ASB18: variants seen among roughly 807,000 people sequenced by gnomAD.
The protein encoded by ASB18 is ankyrin repeat and SOCS box protein 18.
ASB18 carries 33 observed loss-of-function variants against 33.4 expected under a neutral mutation model. The ratio of observed to expected loss-of-function variants is 0.99; its 90% CI spans 0.75 to 1.32. The LOEUF (loss-of-function observed/expected upper bound fraction) is 1.32, where lower values mean the gene tolerates loss of function less well. Ranked by LOEUF, ASB18 falls within the 40% of genes most tolerant of loss-of-function variation. The pLI is 0.00. For missense variants in ASB18, 694 were observed against 655.5 expected (o/e 1.06, Z -0.64); for synonymous variants, 295 against 307.6 (o/e 0.96, Z 0.43).
Position 236,216,430 on chromosome 2 carries a change from C to G in ASB18, c.597-1564G>C, listed in dbSNP as rs1214689385. 6.6e-6 allele frequency among the ~76,000 whole-genome samples: 1 copy of G among 152,088 alleles called. No homozygotes were observed. The stretch of plus-strand genomic sequence containing the variant: ...TGTTTTGACAACAGCTGTTGCCTCC[C>G]TCTTCCCCAGGCCTAAGGAAGGCAC... On this transcript the variant is annotated intron_variant, in intron 3 of 5. Transcript: ENST00000409749. The surrounding 1 kb of genome is among the most constrained non-coding windows in gnomAD (Gnocchi z 6.1).
chr2:236,224,382 G>A (rs1365760830), intron 3 of ASB18, among the ~76,000 whole-genome samples: 1 of 151,918 alleles, frequency 6.6e-6, no homozygotes, highest in Admixed American at 6.6e-5. Context: ...TTTTGATTTG[G>A]CCTGGACTGG....
rs2060664302 is a variant in ASB18, at chr2:236,250,608, G to A, written c.206-9206C>T. The A allele has an allele frequency of 6.6e-6, 1 of 152,156 alleles. No individual in the cohort carries two copies. Among genetic ancestry groups the A allele is most frequent in the Non-Finnish European group, 1.5e-5 (1 of 68,032 alleles). The allele number at this position is 152,156 out of a possible 1,614,324, so 9.4% of individuals were successfully genotyped here. A position where few individuals can be genotyped will look rare whatever the true frequency, so the allele number is the denominator to read the frequency against. ...ATGTACTAAGTCTGACTGGACTCTA[G>A]GATAATAACATCACTACCAACTGGT... On this transcript the variant is annotated intron_variant, in intron 1 of 5. Transcript: ENST00000409749. The surrounding 1 kb of genome is among the most constrained non-coding windows in gnomAD (Gnocchi z 4.1).
chr2:236,235,655 G>A lies in ASB18; in HGVS notation c.596+2034C>T, dbSNP rs2060585491. ...CAACTGGAACATGCAGACATCGCTG[G>A]TGCGGATGTAAAATGGTACAACTTT... is the stretch of plus-strand genomic sequence containing the variant. On this transcript the variant is annotated intron_variant, in intron 3 of 5. Coordinates refer to ENST00000409749, the MANE Select transcript of ASB18 (RefSeq NM_212556.4). This position sits in a 1 kb window ranked among gnomAD's most constrained non-coding sequence, Gnocchi z 6.2. Among the ~76,000 whole-genome samples, 2 of 152,220 alleles carry A rather than the reference G, an allele frequency of 1.3e-5. No individual in the cohort carries two copies. Among genetic ancestry groups the A allele is most frequent in the African/African-American group, 2.4e-5 (1 of 41,462 alleles).
At position 236,256,497 on chromosome 2, in the gene ASB18, C is replaced by G. The variant is rs945723402; in HGVS notation, c.205+7644G>C. ...GCCTGCCATTTCCAATTAGTTCCTT[C>G]GGAATGTTTACTTCTCAAGCAGAGC... is the stretch of plus-strand genomic sequence containing the variant. On this transcript the variant is annotated intron_variant, in intron 1 of 5. Transcript: ENST00000409749. The surrounding 1 kb of genome is among the most constrained non-coding windows in gnomAD (Gnocchi z 4.7). Among the ~76,000 whole-genome samples the G allele has an allele frequency of 6.6e-6, 1 of 152,152 alleles. No homozygotes were observed. The highest frequency in any genetic ancestry group is 1.5e-5 in the Non-Finnish European group (1 of 68,032).
Position 236,223,611 on chromosome 2 carries a change from A to T in ASB18, c.597-8745T>A, listed in dbSNP as rs1327287617. 2.0e-5 allele frequency among the ~76,000 whole-genome samples: 3 copies of T among 152,232 alleles called. No homozygotes were observed. The highest frequency in any genetic ancestry group is 4.4e-5 in the Non-Finnish European group (3 of 68,040). On this transcript the variant is annotated intron_variant, in intron 3 of 5. Coordinates refer to ENST00000409749, the MANE Select transcript of ASB18 (RefSeq NM_212556.4). This position sits in a 1 kb window ranked among gnomAD's most constrained non-coding sequence, Gnocchi z 4.6. ...AGAGCACAATTGAATGAATTTCAAC[A>T]AAGGAATATACCTATGTAACCAATA...
Position 236,257,461 on chromosome 2 carries a change from A to AT in ASB18, c.205+6679dup, listed in dbSNP as rs2060697671. ...CTAGCACCCCACTTACTTGCCCATG[A>AT]TTTTTTGGGATTATTTTTGCTCAAT... On this transcript the variant is annotated intron_variant, in intron 1 of 5. Transcript: ENST00000409749. The surrounding 1 kb of genome is among the most constrained non-coding windows in gnomAD (Gnocchi z 5.5). 6.6e-6 allele frequency among the ~76,000 whole-genome samples: 1 copy of AT among 151,990 alleles called. No homozygotes were observed. The highest frequency in any genetic ancestry group is 6.5e-5 in the Admixed American group (1 of 15,268).
Position 236,241,303 on chromosome 2 carries a change from G to T in ASB18, c.305C>A (p.Ser102Tyr). 6.2e-7 allele frequency: 1 copy of T among 1,613,776 alleles called. No homozygotes were observed. The highest frequency in any genetic ancestry group is 8.5e-7 in the Non-Finnish European group (1 of 1,179,746). ...ACCTGATAGTCCAAACGTGGCTGGA[G>T]ATTTCACCTGCCATTCCATCTCATC... ...NKDEMEWQVK[S>Y]PATFGLSGLW... Residue 102 changes from serine to tyrosine, a missense_variant, in exon 2 of 6, where the codon TCT becomes TAT. Physicochemically the swap from Ser to Tyr is moderately radical, Grantham distance 144. Coordinates refer to ENST00000409749, the MANE Select transcript of ASB18 (RefSeq NM_212556.4). This position sits in a 1 kb window ranked among gnomAD's most constrained non-coding sequence, Gnocchi z 4.2.
Position 236,231,795 on chromosome 2 carries a change from T to C in ASB18, c.596+5894A>G, listed in dbSNP as rs1170151729. ...TTCATAATGATAAAAAGGTCAGTTCTTCAAAAGGACAGAATAATGCTAAGC... is the reference window on the plus strand; with the variant it reads ...TTCATAATGATAAAAAGGTCAGTTCCTCAAAAGGACAGAATAATGCTAAGC... On this transcript the variant is annotated intron_variant, in intron 3 of 5. Coordinates refer to ENST00000409749, the MANE Select transcript of ASB18 (RefSeq NM_212556.4). This position sits in a 1 kb window ranked among gnomAD's most constrained non-coding sequence, Gnocchi z 5.5. Among the ~76,000 whole-genome samples, 3 of 152,188 alleles carry C rather than the reference T, an allele frequency of 2.0e-5. No individual in the cohort carries two copies. The highest frequency in any genetic ancestry group is 4.4e-5 in the Non-Finnish European group (3 of 68,044).
chr2:236,207,662 T>C (rs1195667043), intron 4 of ASB18, among the ~76,000 whole-genome samples: 1 of 152,164 alleles, frequency 6.6e-6, no homozygotes, highest in East Asian at 1.9e-4. Context: ...CGTTCCCGGT[T>C]GGACGGTTTG....
In ASB18 at chr2:236,253,624, G is replaced by A. The variant is rs1181883391; in HGVS notation, c.205+10517C>T. Among the ~76,000 whole-genome samples the A allele has an allele frequency of 2.0e-5, 3 of 151,994 alleles. No homozygotes were observed. Among genetic ancestry groups the A allele is most frequent in the Non-Finnish European group, 4.4e-5 (3 of 68,020 alleles). ...GCTGGTCTCTAACTCCTGGCCTCAA[G>A]TGATCTTCCCACCTCAGCCTCCCAA... is the stretch of plus-strand genomic sequence containing the variant. On this transcript the variant is annotated intron_variant, in intron 1 of 5. Coordinates refer to ENST00000409749, the MANE Select transcript of ASB18 (RefSeq NM_212556.4). This position sits in a 1 kb window ranked among gnomAD's most constrained non-coding sequence, Gnocchi z 5.4.
At chr2:236,236,188 G>A (rs1287517478) in intron 3 of ASB18, among the ~76,000 whole-genome samples, 8 of 152,120 alleles carry the variant, frequency 5.3e-5, no homozygotes, top group Admixed American at 4.6e-4. Flanking sequence ...TCCATACCAC[G>A]GACCGCTACC....
In ASB18 at chr2:236,260,659, C is replaced by G. The variant is rs915281241; in HGVS notation, c.205+3482G>C. The stretch of plus-strand genomic sequence containing the variant: ...AGCATGGAGAAGGAGGGAACCTAAA[C>G]GATGAACCAAGCCAGCAGTGGTTCC... On this transcript the variant is annotated intron_variant, in intron 1 of 5. Coordinates refer to ENST00000409749, the MANE Select transcript of ASB18 (RefSeq NM_212556.4). The surrounding 1 kb of genome is among the most constrained non-coding windows in gnomAD (Gnocchi z 5.1). Among the ~76,000 whole-genome samples the G allele has an allele frequency of 6.6e-6, 1 of 152,182 alleles. No individual in the cohort carries two copies. Among genetic ancestry groups the G allele is most frequent in the East Asian group, 1.9e-4 (1 of 5,198 alleles).
chr2:236,206,923 G>C (rs1023163066), intron 4 of ASB18, among the ~76,000 whole-genome samples: 89 of 152,356 alleles, frequency 5.8e-4, no homozygotes, highest in Non-Finnish European at 7.6e-4. Flanking sequence ...GCTACCCACT[G>C]GGGACTGGGG....
rs1391019727 is a variant in ASB18 at position 236,255,080 on chromosome 2, G to T, written c.205+9061C>A. On this transcript the variant is annotated intron_variant, in intron 1 of 5. Coordinates refer to ENST00000409749, the MANE Select transcript of ASB18 (RefSeq NM_212556.4). This position sits in a 1 kb window ranked among gnomAD's most constrained non-coding sequence, Gnocchi z 4.4. ...TGAAGTCTCCCCAGAAGCCGAAGCC[G>T]CTACGCTTCCTGTACAGCCTGCAGA... Among the ~76,000 whole-genome samples the T allele has an allele frequency of 6.6e-6, 1 of 152,186 alleles. No homozygotes were observed. Among genetic ancestry groups the T allele is most frequent in the Non-Finnish European group, 1.5e-5 (1 of 68,040 alleles).
At chr2:236,218,811 AAAAAAG>A (rs2060499275) in intron 3 of ASB18, among the ~76,000 whole-genome samples, 1 of 151,328 alleles carries the variant, frequency 6.6e-6, no homozygotes. Flanking sequence ...AAAAAAAAAA[AAAAAAG>A]AAAAAGAAAC....
At chr2:236,212,415 C>G (rs376936480) in intron 4 of ASB18, among the ~76,000 whole-genome samples, 1 of 152,098 alleles carries the variant, frequency 6.6e-6, no homozygotes, top group Non-Finnish European at 1.5e-5. Context: ...GGGGCTGCCC[C>G]TAGGATTTGA....
Position 236,214,387 on chromosome 2 carries a change from G to C in ASB18, c.1076C>G (p.Thr359Ser). The C allele has an allele frequency of 6.3e-7, 1 of 1,577,380 alleles. No homozygotes were observed. The highest frequency in any genetic ancestry group is 8.6e-7 in the Non-Finnish European group (1 of 1,166,608). ...VQALLNHGSP[T>S]VWPDAFPKVL... ...CTTGGGGAAGGCGTCGGGCCACACG[G>C]TGGGAGAGCCGTGGTTGAGCAGCGC... The change falls in exon 4 of 6, where the codon ACC becomes AGC. Residue 359 changes from threonine to serine, a missense_variant. Thr to Ser is a moderately conservative substitution (Grantham distance 58). Coordinates refer to ENST00000409749, the MANE Select transcript of ASB18 (RefSeq NM_212556.4). The surrounding 1 kb of genome is among the most constrained non-coding windows in gnomAD (Gnocchi z 6.5).
Position 236,262,484 on chromosome 2 carries a change from A to G in ASB18, c.205+1657T>C, listed in dbSNP as rs1426825028. 1.3e-5 allele frequency among the ~76,000 whole-genome samples: 2 copies of G among 152,198 alleles called. No homozygotes were observed. Among genetic ancestry groups the G allele is most frequent in the East Asian group, 3.9e-4 (2 of 5,176 alleles). On this transcript the variant is annotated intron_variant, in intron 1 of 5. Transcript: ENST00000409749. This position sits in a 1 kb window ranked among gnomAD's most constrained non-coding sequence, Gnocchi z 5.2. Reference sequence around the variant, plus strand: ...TAAACCCAGCAGCGATCTGGCAGGGAGGGCCGGGGAAGCACTTGCCCTACC... The same window carrying G: ...TAAACCCAGCAGCGATCTGGCAGGGGGGGCCGGGGAAGCACTTGCCCTACC...
rs2060679984 is a variant in ASB18 at position 236,253,849 on chromosome 2, A to G, written c.205+10292T>C. ...TCAATTTCGGTCAAACACTTCCCAG[A>G]GTGACTCCCACCTCCTACCACATTC... On this transcript the variant is annotated intron_variant, in intron 1 of 5. Coordinates refer to ENST00000409749, the MANE Select transcript of ASB18 (RefSeq NM_212556.4). This position sits in a 1 kb window ranked among gnomAD's most constrained non-coding sequence, Gnocchi z 5.4. The G allele has an allele frequency of 6.6e-6, 1 of 152,184 alleles. No individual in the cohort carries two copies. Among genetic ancestry groups the G allele is most frequent in the African/African-American group, 2.4e-5 (1 of 41,440 alleles). 9.4% of individuals were successfully genotyped at this position (152,184 alleles called of 1,614,324 possible). A position where few individuals can be genotyped will look rare whatever the true frequency, so the allele number is the denominator to read the frequency against.
Sources: allele counts gnomAD v4.1 joint callset (sites outside exome capture counted in the v4.1 genomes callset), GRCh38; gene constraint gnomAD v4.1.1; non-coding constraint Gnocchi (gnomAD v3.1); transcripts MANE v1.5; gene names NCBI Gene and HGNC (gene_info 2026-07-23, HGNC 2026-07-21).